Variants in PCDHGA4 observed in about 807,000 individuals in gnomAD.
PCDHGA4 encodes protocadherin gamma subfamily A, 4.
In PCDHGA4, 38 loss-of-function variants were observed where a neutral mutation model predicts 54.6. The ratio of observed to expected loss-of-function variants is 0.70; its 90% CI spans 0.54 to 0.91. The LOEUF (loss-of-function observed/expected upper bound fraction) is 0.91. Among genes scored for constraint, PCDHGA4 ranks in the 40% least tolerant of loss-of-function variants. The probability of loss-of-function intolerance (pLI) is 0.00; values close to 1 mark genes in which losing one functional copy is unlikely to be tolerated. For missense variants in PCDHGA4, 1,298 were observed against 1,220.9 expected (o/e 1.06, Z -0.94); for synonymous variants, 511 against 512.9 (o/e 1.00, Z 0.05).
chr5:141,435,745 A>T (rs2097777848), intron 1 of PCDHGA4, among the ~76,000 whole-genome samples: 1 of 152,184 alleles, frequency 6.6e-6, no homozygotes, highest in African/African-American at 2.4e-5. Context: ...TTTGAAAAGC[A>T]TTGCTTGATT....
At chr5:141,383,391 G>A (rs764733462) in intron 1 of PCDHGA4, 7 of 1,613,978 alleles carry the variant, frequency 4.3e-6, no homozygotes. Context: ...ATGTGGGCAC[G>A]AACTCCCTCC....
intron 1 of PCDHGA4, chr5:141,468,662 C>G (rs1381049343): frequency 6.6e-6 from 1 of 150,534 alleles, no homozygotes; most frequent in East Asian, 2.0e-4. Context: ...GTCAGGAGAT[C>G]AAGACCATCC....
chr5:141,501,964 A>G (rs1374872785), intron 2 of PCDHGA4, among the ~76,000 whole-genome samples: 1 of 151,854 alleles, frequency 6.6e-6, no homozygotes, highest in East Asian at 1.9e-4. Flanking sequence ...TCATCCTCCT[A>G]ACCTCTGGCA....
At chr5:141,388,487 C>T in intron 1 of PCDHGA4, 1 of 1,613,776 alleles carries the variant, frequency 6.2e-7, no homozygotes, top group Non-Finnish European at 8.5e-7. Flanking sequence ...CACCTTTGGA[C>T]AGAGAAAAGC....
At chr5:141,421,783 A>G in intron 1 of PCDHGA4, 1 of 1,613,882 alleles carries the variant, frequency 6.2e-7, no homozygotes, top group East Asian at 2.2e-5. Flanking sequence ...ACTGCGGGGC[A>G]GAACGGATGG....
intron 1 of PCDHGA4, among the ~76,000 whole-genome samples, chr5:141,460,093 A>T (rs2098981983): frequency 6.6e-6 from 1 of 151,964 alleles, no homozygotes. Flanking sequence ...TAATAATTAT[A>T]CATGTAATTA....
chr5:141,357,159 T>A lies in PCDHGA4; in HGVS notation c.2052T>A (p.Pro684=), dbSNP rs372439046. 31 of 1,613,408 alleles carry A rather than the reference T, an allele frequency of 1.9e-5. No individual in the cohort carries two copies. The highest frequency in any genetic ancestry group is 6.7e-5 in the African/African-American group (5 of 74,912). The change falls in exon 1 of 4, where the codon CCT becomes CCA. Residue 684 remains proline (P), a synonymous_variant. Coordinates refer to ENST00000571252, the MANE Select transcript of PCDHGA4 (RefSeq NM_018917.4). ...VVVVQDHGQP[P]LSATVTLTVA... Reference sequence around the variant, plus strand: ...TCGTCCAGGACCATGGCCAGCCCCCTCTCTCGGCCACCGTCACACTCACTG... The same window carrying A: ...TCGTCCAGGACCATGGCCAGCCCCCACTCTCGGCCACCGTCACACTCACTG...
chr5:141,379,889 C>CTTTT lies in PCDHGA4; in HGVS notation c.2514+22295_2514+22298dup, dbSNP rs70988800. ...CTTATTTTATGGTCTGTGAAAGCCT[C>CTTTT]TTTTTTTTTTTTTTTTTTTTTTTTT... is the stretch of plus-strand genomic sequence containing the variant. On this transcript the variant is annotated intron_variant, in intron 1 of 3. Transcript: ENST00000571252. Among the ~76,000 whole-genome samples, 383 of 50,836 alleles carry CTTTT rather than the reference C, an allele frequency of 7.5e-3. 64 individuals are homozygous for CTTTT. The highest frequency in any genetic ancestry group is 9.2e-3 in the Non-Finnish European group (239 of 25,888). 33.4% of individuals were successfully genotyped at this position (50,836 alleles called of 152,430 possible). A position where few individuals can be genotyped will look rare whatever the true frequency, so the allele number is the denominator to read the frequency against.
At chr5:141,372,087 C>T in intron 1 of PCDHGA4, 1 of 1,613,740 alleles carries the variant, frequency 6.2e-7, no homozygotes, top group South Asian at 1.1e-5. Context: ...GGTGCTGTAC[C>T]CAGCTCTGGG....
At chr5:141,415,477 C>T in intron 1 of PCDHGA4, 1 of 1,614,184 alleles carries the variant, frequency 6.2e-7, no homozygotes, top group Non-Finnish European at 8.5e-7. Flanking sequence ...CGCGGACTCG[C>T]GAAAGAGTCA....
chr5:141,415,761 T>G (rs1047830043), intron 1 of PCDHGA4: 49 of 1,399,492 alleles, frequency 3.5e-5, no homozygotes, highest in Admixed American at 1.6e-4. Context: ...TTTTTTTTTT[T>G]TTTTTTTTTT....
chr5:141,447,136 T>TTTTTTG (rs1304915683), intron 1 of PCDHGA4, among the ~76,000 whole-genome samples: 1 of 152,090 alleles, frequency 6.6e-6, no homozygotes, highest in Non-Finnish European at 1.5e-5. Context: ...TGTTTGTTTG[T>TTTTTTG]TTTTTGTTTT....
chr5:141,427,616 C>T (rs922511046), intron 1 of PCDHGA4: 1 of 693,880 alleles, frequency 1.4e-6, no homozygotes, highest in Non-Finnish European at 2.6e-6. Context: ...GTGAAGTCAA[C>T]GACAATGCTC....
At chr5:141,422,640 C>T in intron 1 of PCDHGA4, 1 of 1,612,590 alleles carries the variant, frequency 6.2e-7, no homozygotes, top group South Asian at 1.1e-5. Flanking sequence ...GGGGTGCCTC[C>T]ATCTTCTCAG....
At position 141,486,720 on chromosome 5, in the gene PCDHGA4, C is replaced by G; in HGVS notation, c.2515-8087C>G. ...ATCTCTCTGAACCCCCAGACAGGAG[C>G]TGTTCATGCTACTCGATCCTTTGAC... On this transcript the variant is annotated intron_variant, in intron 1 of 3. Coordinates refer to ENST00000571252, the MANE Select transcript of PCDHGA4 (RefSeq NM_018917.4). This position sits in a 1 kb window ranked among gnomAD's most constrained non-coding sequence, Gnocchi z 5.0. The G allele has an allele frequency of 6.2e-7, 1 of 1,614,216 alleles. No homozygotes were observed. Among genetic ancestry groups the G allele is most frequent in the Non-Finnish European group, 8.5e-7 (1 of 1,180,038 alleles).
chr5:141,388,920 A>T, intron 1 of PCDHGA4: 3 of 1,613,996 alleles, frequency 1.9e-6, no homozygotes, highest in East Asian at 2.2e-5. Flanking sequence ...CCCAGAAGTG[A>T]TATTCCAGTC....
intron 1 of PCDHGA4, chr5:141,376,853 A>C (rs188570810): frequency 0.022 from 4,983 of 229,694 alleles, 85 homozygotes; most frequent in East Asian, 0.036. Flanking sequence ...CGCCCGGCTA[A>C]TTTTTTTGTA....
In PCDHGA4 at chr5:141,431,019, C is replaced by A. The variant is rs1368671750; in HGVS notation, c.2515-63788C>A. 1 of 1,613,488 alleles carries A rather than the reference C, an allele frequency of 6.2e-7. No individual in the cohort carries two copies. The highest frequency in any genetic ancestry group is 1.7e-5 in the Admixed American group (1 of 59,968). ...CCGCGCAGCGGCAGCTTGGTCACGG[C>A]GGGCAGGATAGACCGGGAGGAGCTC... On this transcript the variant is annotated intron_variant, in intron 1 of 3. Transcript: ENST00000571252. The surrounding 1 kb of genome is among the most constrained non-coding windows in gnomAD (Gnocchi z 4.8).
At chr5:141,466,624 G>C (rs1279938026) in intron 1 of PCDHGA4, among the ~76,000 whole-genome samples, 1 of 152,038 alleles carries the variant, frequency 6.6e-6, no homozygotes, top group Non-Finnish European at 1.5e-5. Context: ...GTTTTCTTTG[G>C]AGCATTGTCT....
Sources: allele counts gnomAD v4.1 joint callset (sites outside exome capture counted in the v4.1 genomes callset), GRCh38; gene constraint gnomAD v4.1.1; non-coding constraint Gnocchi (gnomAD v3.1); transcripts MANE v1.5; gene names NCBI Gene and HGNC (gene_info 2026-07-23, HGNC 2026-07-21).